The following D2HGDH variants were observed in gnomAD, a reference collection of about 807,000 sequenced individuals.
D2HGDH encodes D-2-hydroxyglutarate dehydrogenase, mitochondrial.
In D2HGDH, 31 loss-of-function variants were observed where a neutral mutation model predicts 46.9. The observed-to-expected ratio is 0.66, with a 90% CI of 0.50 to 0.89. D2HGDH has a LOEUF of 0.89. D2HGDH is among the 40% of genes least tolerant of loss of function. The pLI, the probability that D2HGDH is intolerant of heterozygous loss-of-function variation, is 0.00. For synonymous variants in D2HGDH, 364 were observed against 332.6 expected, an observed-to-expected ratio of 1.09 and a Z score of -1.03; for missense variants, 698 against 720.8, an observed-to-expected ratio of 0.97 and a Z score of 0.36.
At chr2:241,735,898 G>A in intron 2 of D2HGDH, 1 of 261,028 alleles carries the variant, frequency 3.8e-6, no homozygotes, top group Non-Finnish European at 7.5e-6. Context: ...TAGTAGCTGC[G>A]ACTACAGGCG....
At chr2:241,757,171 G>A (rs754045535) in intron 9 of D2HGDH, among the ~76,000 whole-genome samples, 5 of 152,208 alleles carry the variant, frequency 3.3e-5, no homozygotes, top group Admixed American at 6.5e-5. Flanking sequence ...AGGACTGGTG[G>A]TGTTGCTTCC....
At position 241,735,300 on chromosome 2, in the gene D2HGDH, C is replaced by A; in HGVS notation, c.76C>A (p.Arg26=). ...GAPGAAGSWG[R]PVGPLARRGC... ...TCCGGGAGCCGCGGGTTCTTGGGGTCGGCCGGTTGGCCCCCTGGCCCGCAG... is the reference window on the plus strand; with the variant it reads ...TCCGGGAGCCGCGGGTTCTTGGGGTAGGCCGGTTGGCCCCCTGGCCCGCAG... The change falls in exon 2 of 10, where the codon CGG becomes AGG. Residue 26 remains arginine (R), a synonymous_variant. Transcript: ENST00000321264. 6.5e-7 allele frequency: 1 copy of A among 1,528,820 alleles called. No homozygotes were observed. Among genetic ancestry groups the A allele is most frequent in the African/African-American group, 1.4e-5 (1 of 71,820 alleles). The allele number at this position is 1,528,820 out of a possible 1,614,324, so 94.7% of individuals were successfully genotyped here.
chr2:241,750,004 T>G, intron 6 of D2HGDH, 147 bp from the exon 7 acceptor site: 1 of 1,184,640 alleles, frequency 8.4e-7, no homozygotes, highest in Non-Finnish European at 1.2e-6. Context: ...CCCTGGGCTG[T>G]TTGTTGCAGT....
At chr2:241,745,492 C>G (rs1479463602) in intron 6 of D2HGDH, among the ~76,000 whole-genome samples, 1 of 152,216 alleles carries the variant, frequency 6.6e-6, no homozygotes, top group Non-Finnish European at 1.5e-5. Context: ...GGTGGCGGGT[C>G]TAGCTCACCA....
intron 8 of D2HGDH, among the ~76,000 whole-genome samples, chr2:241,752,557 C>T (rs1697433730): frequency 6.6e-6 from 1 of 152,080 alleles, no homozygotes; most frequent in African/African-American, 2.4e-5. Flanking sequence ...GCTCCTGTGG[C>T]TTCCAGTCCA....
chr2:241,749,939 T>A, intron 6 of D2HGDH: 2 of 659,878 alleles, frequency 3.0e-6, no homozygotes, highest in Non-Finnish European at 5.4e-6. Flanking sequence ...GGTGTGCACC[T>A]ACCCCTCCTG....
intron 6 of D2HGDH, among the ~76,000 whole-genome samples, chr2:241,745,297 G>T (rs1306144395): frequency 1.3e-5 from 2 of 152,202 alleles, no homozygotes; most frequent in Non-Finnish European, 2.9e-5. Flanking sequence ...AGCCCAGACT[G>T]GGGGTCTCAG....
intron 9 of D2HGDH, 67 bp from the exon 10 acceptor site, chr2:241,767,643 T>G: frequency 1.3e-6 from 2 of 1,594,836 alleles, no homozygotes; most frequent in South Asian, 2.2e-5. Flanking sequence ...GGAGGGGCTG[T>G]TGGGGGAGGA....
chr2:241,757,483 T>C (rs867207715), intron 9 of D2HGDH, among the ~76,000 whole-genome samples: 3 of 130,152 alleles, frequency 2.3e-5, no homozygotes, highest in Admixed American at 2.2e-4. Flanking sequence ...TGGGAAGGGG[T>C]TAAGGGCATG....
At chr2:241,748,972 T>C (rs1240891179) in intron 6 of D2HGDH, 2 of 1,270,842 alleles carry the variant, frequency 1.6e-6, no homozygotes, top group Non-Finnish European at 2.0e-6. Context: ...CGCCTCTTCG[T>C]GCCACGCCCA....
At position 241,755,851 on chromosome 2, in the gene D2HGDH, G is replaced by T. The variant is rs1278154888; in HGVS notation, c.1143G>T (p.Met381Ile). 6.2e-7 allele frequency: 1 copy of T among 1,612,408 alleles called. No individual in the cohort carries two copies. Among genetic ancestry groups the T allele is most frequent in the Non-Finnish European group, 8.5e-7 (1 of 1,179,038 alleles). ...TMATDQRKVK[M>I]LWALRERITE... is the part of the protein sequence containing the mutation. Reference sequence around the variant, plus strand: ...TCTCATCTCGTCTCATCCTCTAGATGCTGTGGGCCCTGAGGGAAAGGATCA... The same window carrying T: ...TCTCATCTCGTCTCATCCTCTAGATTCTGTGGGCCCTGAGGGAAAGGATCA... Residue 381 changes from methionine (M) to isoleucine (I), a missense_variant and splice_region_variant, in exon 9 of 10, where the codon ATG becomes ATT. Met to Ile is a conservative substitution (Grantham distance 10). Transcript: ENST00000321264.
At position 241,744,760 on chromosome 2, in the gene D2HGDH, A is replaced by G; in HGVS notation, c.736A>G (p.Asn246Asp). ...LDCLTSLRKD[N>D]TGYDLKQLFI... The stretch of plus-strand genomic sequence containing the variant: ...CTGCCTGACCTCCCTGAGGAAGGAC[A>G]ACACGGGCTATGACCTGAAGCAGCT... Residue 246 changes from asparagine to aspartate, a missense_variant, in exon 6 of 10, where the codon AAC becomes GAC. Coordinates refer to ENST00000321264, the MANE Select transcript of D2HGDH (RefSeq NM_152783.5). The G allele has an allele frequency of 3.1e-6, 5 of 1,614,246 alleles. No individual in the cohort carries two copies. Among genetic ancestry groups the G allele is most frequent in the Non-Finnish European group, 4.2e-6 (5 of 1,180,044 alleles).
chr2:241,761,224 G>A (rs1373027260), intron 9 of D2HGDH, among the ~76,000 whole-genome samples: 1 of 152,188 alleles, frequency 6.6e-6, no homozygotes, highest in African/African-American at 2.4e-5. Flanking sequence ...GGAATCGTAA[G>A]TAATCTAGAG....
At position 241,767,786 on chromosome 2, in the gene D2HGDH, G is replaced by A; in HGVS notation, c.1383G>A (p.Val461=). 3 of 1,612,482 alleles carry A rather than the reference G, an allele frequency of 1.9e-6. No homozygotes were observed. Among genetic ancestry groups the A allele is most frequent in the Non-Finnish European group, 8.5e-7 (1 of 1,179,558 alleles). Residue 461 remains valine, a synonymous_variant, in exon 10 of 10, where the codon GTG becomes GTA. Coordinates refer to ENST00000321264, the MANE Select transcript of D2HGDH (RefSeq NM_152783.5). ...TCCTGGCTGCCCTGGAGCCCCACGT[G>A]TACGAGTGGACGGCCGGGCAGCAGG... is the stretch of plus-strand genomic sequence containing the variant. The part of the protein sequence containing the change: ...PSLLAALEPH[V]YEWTAGQQGS...
chr2:241,764,187 G>A (rs1699075330), intron 9 of D2HGDH, among the ~76,000 whole-genome samples: 1 of 152,210 alleles, frequency 6.6e-6, no homozygotes, highest in East Asian at 1.9e-4. Context: ...CTGTGGGAGG[G>A]GCGGGGACTG....
chr2:241,760,427 C>T lies in D2HGDH; in HGVS notation c.1306+4413C>T, dbSNP rs189977827. Among the ~76,000 whole-genome samples the T allele has an allele frequency of 4.8e-4, 71 of 147,548 alleles. 1 individual carries two copies. The highest frequency in any genetic ancestry group is 1.6e-3 in the African/African-American group (64 of 39,478). ...TACCCAATCAGTCGAAGGCTTTTTG[C>T]CACAGCGTGGGTGGGCCTTACGCAA... On this transcript the variant is annotated intron_variant, in intron 9 of 9. Transcript: ENST00000321264.
chr2:241,749,848 G>A (rs4075957), intron 6 of D2HGDH: 210,398 of 429,478 alleles, frequency 0.49, 54,786 homozygotes, highest in African/African-American at 0.79. Context: ...GACACCAGGC[G>A]TGCCCTGCCC....
chr2:241,738,729 G>T (rs1017162433), intron 2 of D2HGDH, among the ~76,000 whole-genome samples: 1 of 152,160 alleles, frequency 6.6e-6, no homozygotes, highest in Non-Finnish European at 1.5e-5. Context: ...GCCGCCCCTC[G>T]GTGTCTGTGT....
intron 9 of D2HGDH, among the ~76,000 whole-genome samples, chr2:241,764,567 G>A (rs111737745): frequency 3.3e-5 from 5 of 152,374 alleles, no homozygotes; most frequent in African/African-American, 7.2e-5. Flanking sequence ...AAGCTGCCTC[G>A]ACCTTTGTCG....
Sources: allele counts gnomAD v4.1 joint callset (sites outside exome capture counted in the v4.1 genomes callset), GRCh38; gene constraint gnomAD v4.1.1; transcripts MANE v1.5; gene names NCBI Gene and HGNC (gene_info 2026-07-23, HGNC 2026-07-21).